Variants in CNTNAP2 observed in about 807,000 individuals in gnomAD.
The protein encoded by CNTNAP2 is contactin associated protein 2, also known as contactin-associated protein-like 2.
A neutral mutation model predicts 155.2 loss-of-function variants in CNTNAP2; 98 were observed. That is an observed-to-expected ratio of 0.63 (90% CI 0.54 to 0.75). The LOEUF is 0.75. Among genes scored for constraint, CNTNAP2 ranks in the 30% least tolerant of loss-of-function variants. The probability of loss-of-function intolerance (pLI) is 0.00; values close to 1 mark genes in which losing one functional copy is unlikely to be tolerated. For missense variants in CNTNAP2, 1,727 were observed against 1,688.1 expected (o/e 1.02, Z -0.40); for synonymous variants, 651 against 631.2 (o/e 1.03, Z -0.47).
chr7:146,585,649 T>C (rs1179935937), intron 1 of CNTNAP2, among the ~76,000 whole-genome samples: 1 of 151,166 alleles, frequency 6.6e-6, no homozygotes, highest in Non-Finnish European at 1.5e-5. Flanking sequence ...AATTGACGAG[T>C]TATCAAAATA....
At chr7:148,285,925 T>C (rs1463650455) in intron 21 of CNTNAP2, among the ~76,000 whole-genome samples, 1 of 152,242 alleles carries the variant, frequency 6.6e-6, no homozygotes, top group Non-Finnish European at 1.5e-5. Flanking sequence ...CCAGAAGCCT[T>C]ACTGATAACA....
At chr7:148,118,878 G>A (rs1804535963) in intron 16 of CNTNAP2, among the ~76,000 whole-genome samples, 1 of 152,190 alleles carries the variant, frequency 6.6e-6, no homozygotes, top group African/African-American at 2.4e-5. Context: ...GAGCAAGAGA[G>A]GATGCTGCTT....
At chr7:147,092,899 G>C (rs1250344800) in intron 4 of CNTNAP2, among the ~76,000 whole-genome samples, 1 of 152,094 alleles carries the variant, frequency 6.6e-6, no homozygotes, top group Non-Finnish European at 1.5e-5. Context: ...TAAGTTGCAT[G>C]TACTAAATGG....
At chr7:146,551,875 C>G (rs565069975) in intron 1 of CNTNAP2, among the ~76,000 whole-genome samples, 1 of 151,994 alleles carries the variant, frequency 6.6e-6, no homozygotes, top group Non-Finnish European at 1.5e-5. Flanking sequence ...TTTCAGAGAA[C>G]GAGACTGCAT....
intron 1 of CNTNAP2, among the ~76,000 whole-genome samples, chr7:146,524,738 C>T (rs1032742380): frequency 2.0e-5 from 3 of 151,978 alleles, no homozygotes; most frequent in African/African-American, 4.8e-5. Context: ...GATATAAGAA[C>T]ATTATAAATA....
At chr7:147,771,630 T>C (rs1797470846) in intron 13 of CNTNAP2, among the ~76,000 whole-genome samples, 2 of 152,210 alleles carry the variant, frequency 1.3e-5, no homozygotes, top group African/African-American at 4.8e-5. Context: ...TGACATTATA[T>C]AGGGTTTCAT....
chr7:146,969,266 G>T (rs998286366), intron 3 of CNTNAP2, among the ~76,000 whole-genome samples: 2 of 152,126 alleles, frequency 1.3e-5, no homozygotes, highest in African/African-American at 4.8e-5. Context: ...GTGGTGTGGT[G>T]CTGAAAAAAA....
intron 3 of CNTNAP2, among the ~76,000 whole-genome samples, chr7:146,990,353 T>C (rs1798188765): frequency 2.0e-5 from 3 of 152,138 alleles, no homozygotes; most frequent in Admixed American, 1.3e-4. Context: ...CTCTCACATG[T>C]ATTACAAAAA....
chr7:146,905,152 G>A (rs1796092275), intron 3 of CNTNAP2, among the ~76,000 whole-genome samples: 1 of 151,896 alleles, frequency 6.6e-6, no homozygotes, highest in Admixed American at 6.6e-5. Flanking sequence ...TACTCACGTT[G>A]TGACAATCAA....
At chr7:148,199,082 G>A (rs537298215) in intron 18 of CNTNAP2, among the ~76,000 whole-genome samples, 36 of 152,270 alleles carry the variant, frequency 2.4e-4, no homozygotes, top group Non-Finnish European at 4.4e-4. Flanking sequence ...GGGAGGTGGA[G>A]TTCATAGAGG....
chr7:146,163,755 A>C (rs1234465127), intron 1 of CNTNAP2, among the ~76,000 whole-genome samples: 1 of 151,674 alleles, frequency 6.6e-6, no homozygotes, highest in East Asian at 1.9e-4. Flanking sequence ...AGAAAAAGAA[A>C]GGTTGTTTTA....
intron 8 of CNTNAP2, among the ~76,000 whole-genome samples, chr7:147,237,952 GC>G (rs757543619): frequency 1.3e-5 from 2 of 152,210 alleles, no homozygotes; most frequent in African/African-American, 2.4e-5. Flanking sequence ...ATGGGATAGT[GC>G]TAATGACAAA....
intron 15 of CNTNAP2, among the ~76,000 whole-genome samples, chr7:147,996,932 C>T (rs1801812933): frequency 6.6e-6 from 1 of 152,112 alleles, no homozygotes; most frequent in South Asian, 2.1e-4. Context: ...GGAGGTGGGG[C>T]TCTGGGAGGC....
intron 4 of CNTNAP2, among the ~76,000 whole-genome samples, chr7:147,101,898 A>T (rs1162687589): frequency 6.6e-6 from 1 of 152,132 alleles, no homozygotes. Context: ...AGAAGCAACA[A>T]TTGGGCAGGA....
intron 1 of CNTNAP2, among the ~76,000 whole-genome samples, chr7:146,334,333 A>T (rs1416479139): frequency 2.0e-5 from 3 of 151,226 alleles, no homozygotes; most frequent in Non-Finnish European, 4.4e-5. Context: ...CGGGAGGCTG[A>T]GGCAGGAGAA....
chr7:147,279,714 C>A (rs371356272), intron 8 of CNTNAP2, among the ~76,000 whole-genome samples: 1 of 151,832 alleles, frequency 6.6e-6, no homozygotes, highest in African/African-American at 2.4e-5. Context: ...TTAGAATTCT[C>A]GTCAGCTCTC....
chr7:146,671,454 G>GACACACACACAC, intron 1 of CNTNAP2, among the ~76,000 whole-genome samples: 1 of 62,886 alleles, frequency 1.6e-5, no homozygotes. Flanking sequence ...CACACACACG[G>GACACACACACAC]ACACACATAT....
At chr7:147,959,635 A>G (rs2373276) in intron 14 of CNTNAP2, among the ~76,000 whole-genome samples, 123,280 of 152,070 alleles carry the variant, frequency 0.81, 51,061 homozygotes, top group South Asian at 0.92. Flanking sequence ...ATTAAGGAGC[A>G]GCTTATGCAG....
At chr7:146,469,612 T>C (rs1484042719) in intron 1 of CNTNAP2, among the ~76,000 whole-genome samples, 1 of 151,544 alleles carries the variant, frequency 6.6e-6, no homozygotes, top group Admixed American at 6.6e-5. Flanking sequence ...AACCTCTGCT[T>C]TTTTGGTTCA....
Sources: allele counts gnomAD v4.1 joint callset (sites outside exome capture counted in the v4.1 genomes callset), GRCh38; gene constraint gnomAD v4.1.1; transcripts MANE v1.5; gene names NCBI Gene and HGNC (gene_info 2026-07-23, HGNC 2026-07-21).